The following GEMIN5 variants were observed in gnomAD, a reference collection of about 807,000 sequenced individuals.
The protein encoded by GEMIN5 is gem-associated protein 5.
A neutral mutation model predicts 176.9 loss-of-function variants in GEMIN5; 124 were observed. The ratio of observed to expected loss-of-function variants is 0.70; its 90% CI spans 0.61 to 0.81. GEMIN5 has a LOEUF of 0.81. Ranked by LOEUF, GEMIN5 falls within the 40% of genes least tolerant of loss-of-function variation. The probability of loss-of-function intolerance (pLI) is 0.00; values close to 1 mark genes in which losing one functional copy is unlikely to be tolerated. For synonymous variants in GEMIN5, 673 were observed against 665.2 expected, an observed-to-expected ratio of 1.01 and a Z score of -0.18; for missense variants, 1,843 against 1,814.6, an observed-to-expected ratio of 1.02 and a Z score of -0.28.
rs1244961835 is a variant in GEMIN5 at position 154,888,323 on chromosome 5, A to T, written c.4414T>A (p.Ser1472Thr). Residue 1472 changes from serine (S) to threonine (T), a missense_variant, in exon 28 of 28, where the codon TCC becomes ACC. Coordinates refer to ENST00000285873, the MANE Select transcript of GEMIN5 (RefSeq NM_015465.5). ...TGGGCCAGACAGCCAGGAAAGTGGG[A>T]CCTGATGAGAAGCAGGACGAGGCAG... ...ECCLVLLLIR[S>T]HFPGCLAQEM... 3.1e-6 allele frequency: 5 copies of T among 1,614,116 alleles called. No individual in the cohort carries two copies. The highest frequency in any genetic ancestry group is 4.2e-6 in the Non-Finnish European group (5 of 1,179,996).
intron 26 of GEMIN5, among the ~76,000 whole-genome samples, chr5:154,891,024 G>A (rs983099605): frequency 4.6e-5 from 7 of 150,778 alleles, no homozygotes; most frequent in Admixed American, 4.0e-4. Context: ...CCAAAGTGCT[G>A]GGATTACAAG....
At chr5:154,906,786 G>C (rs184523133) in intron 16 of GEMIN5, among the ~76,000 whole-genome samples, 396 of 152,226 alleles carry the variant, frequency 2.6e-3, no homozygotes, top group Non-Finnish European at 4.4e-3. Context: ...GCTATCCCTT[G>C]GGATGGAGAG....
chr5:154,920,221 A>T, intron 10 of GEMIN5, 118 bp from the exon 11 acceptor site: 2 of 622,998 alleles, frequency 3.2e-6, no homozygotes, highest in Non-Finnish European at 5.1e-6. Flanking sequence ...TATATTTGAA[A>T]CATTCTAATA....
intron 7 of GEMIN5, 41 bp downstream of exon 7, chr5:154,927,344 A>G: frequency 1.4e-6 from 2 of 1,396,582 alleles, no homozygotes; most frequent in Non-Finnish European, 2.0e-6. Flanking sequence ...CAAGTTGTAA[A>G]CTGCTGCTCT....
At chr5:154,936,053 C>G (rs1379163244) in intron 2 of GEMIN5, 31 bp from the exon 3 acceptor site, 2 of 1,361,786 alleles carry the variant, frequency 1.5e-6, no homozygotes, top group Non-Finnish European at 2.0e-6. Context: ...TTGTTATTGT[C>G]AATGCTGAAG....
chr5:154,921,777 CATTTTAGACTT>C (rs1482402751), intron 9 of GEMIN5, among the ~76,000 whole-genome samples: 2 of 152,146 alleles, frequency 1.3e-5, no homozygotes, highest in Non-Finnish European at 2.9e-5. Flanking sequence ...GATGAGAAGT[CATTTTAGACTT>C]ACTCTGTGCC....
chr5:154,931,747 G>GCTCA, intron 4 of GEMIN5, 170 bp from the exon 5 acceptor site: 2 of 573,522 alleles, frequency 3.5e-6, no homozygotes, highest in Non-Finnish European at 6.0e-6. Flanking sequence ...TGGTGCAGTG[G>GCTCA]CTCACGCCTG....
At chr5:154,936,154 C>G in intron 2 of GEMIN5, 132 bp from the exon 3 acceptor site, 1 of 598,580 alleles carries the variant, frequency 1.7e-6, no homozygotes, top group Non-Finnish European at 2.9e-6. Flanking sequence ...CGGTGGCTCA[C>G]GCCTGTAATC....
chr5:154,912,411 G>A (rs1245591009), intron 14 of GEMIN5, among the ~76,000 whole-genome samples: 3 of 152,166 alleles, frequency 2.0e-5, no homozygotes, highest in African/African-American at 7.2e-5. Flanking sequence ...AACACTAAGC[G>A]AGATACATCA....
chr5:154,907,499 G>T, intron 16 of GEMIN5, 92 bp downstream of exon 16: 1 of 809,548 alleles, frequency 1.2e-6, no homozygotes, highest in South Asian at 1.7e-5. Context: ...GGAAAAATGG[G>T]AACAGCGAAG....
chr5:154,926,555 T>A (rs951737450), intron 7 of GEMIN5, among the ~76,000 whole-genome samples: 2 of 152,218 alleles, frequency 1.3e-5, no homozygotes, highest in African/African-American at 2.4e-5. Flanking sequence ...GTCTACCAAA[T>A]AAGCCTAGCT....
chr5:154,927,839 A>T (rs1764079573), intron 6 of GEMIN5, among the ~76,000 whole-genome samples: 1 of 152,132 alleles, frequency 6.6e-6, no homozygotes, highest in African/African-American at 2.4e-5. Context: ...ACAATTAAAA[A>T]AATTAGTTGG....
chr5:154,924,890 G>A (rs1763997337), intron 8 of GEMIN5, among the ~76,000 whole-genome samples: 2 of 152,158 alleles, frequency 1.3e-5, no homozygotes, highest in South Asian at 4.2e-4. Flanking sequence ...TCGGGAGGCT[G>A]AGGCAGGAGA....
At chr5:154,892,150 T>C (rs1365157163) in intron 25 of GEMIN5, among the ~76,000 whole-genome samples, 3 of 152,228 alleles carry the variant, frequency 2.0e-5, no homozygotes, top group Non-Finnish European at 4.4e-5. Context: ...TTCCTATTTC[T>C]CTCTCCCTTA....
intron 10 of GEMIN5, among the ~76,000 whole-genome samples, 198 bp from the exon 11 acceptor site, chr5:154,920,301 T>C (rs774646956): frequency 6.6e-6 from 1 of 152,190 alleles, no homozygotes; most frequent in Non-Finnish European, 1.5e-5. Flanking sequence ...AAAACTATAC[T>C]ACTATAATTC....
In GEMIN5 at chr5:154,903,113, T is replaced by G. The variant is rs1350267673; in HGVS notation, c.2695A>C (p.Arg899=). The G allele has an allele frequency of 6.2e-7, 1 of 1,609,816 alleles. No homozygotes were observed. Among genetic ancestry groups the G allele is most frequent in the South Asian group, 1.1e-5 (1 of 91,012 alleles). ...TCAATCATTCTATACAGGGTAGCCC[T>G]GTCTGTGAAAAGCCCCAGATGAAAT... ...ERFHLGLFTD[R]ATLYRMIDIE... is the part of the protein sequence containing the mutation. The change falls in exon 19 of 28, where the codon AGG becomes CGG. Residue 899 remains arginine (R), a synonymous_variant. Coordinates refer to ENST00000285873, the MANE Select transcript of GEMIN5 (RefSeq NM_015465.5).
intron 9 of GEMIN5, among the ~76,000 whole-genome samples, chr5:154,922,697 GTTTTTTT>G (rs941015595): frequency 7.4e-6 from 1 of 135,340 alleles, no homozygotes; most frequent in Non-Finnish European, 1.6e-5. Context: ...CTTTAAAACA[GTTTTTTT>G]TTTTTTTTTT....
In GEMIN5 at chr5:154,916,453, TTATTGAATGATGA is replaced by T. The variant is rs1763810916; in HGVS notation, c.1855+532_1855+544del. 3.3e-5 allele frequency among the ~76,000 whole-genome samples: 5 copies of T among 152,170 alleles called. No individual in the cohort carries two copies. The South Asian group carries it at 1.0e-3, about 32-fold the overall frequency. ...ATATATAGCAAGCCAATAACACTGG[TTATTGAATGATGA>T]AATTTTAGGGGAAAACTTCATTTTT... On this transcript the variant is annotated intron_variant, in intron 13 of 27. Transcript: ENST00000285873.
In GEMIN5 at chr5:154,925,148, A is replaced by C. The variant is rs562674519; in HGVS notation, c.1294-594T>G. 4.6e-5 allele frequency among the ~76,000 whole-genome samples: 7 copies of C among 152,328 alleles called. No individual in the cohort carries two copies. The South Asian group carries it at 1.4e-3, about 32-fold the overall frequency. ...AAAAACAAATGAGTTCAAATACGTA[A>C]ATGATATGCATTATACACTGTCGAG... On this transcript the variant is annotated intron_variant, in intron 8 of 27. Transcript: ENST00000285873.
Sources: gnomAD v4.1 joint callset for allele counts (sites outside exome capture counted in the v4.1 genomes callset) on GRCh38, gnomAD v4.1.1 for gene constraint, MANE v1.5 for transcripts, NCBI Gene and HGNC (gene_info 2026-07-23, HGNC 2026-07-21) for gene names.